The following TASP1 variants were observed in gnomAD, a reference collection of about 807,000 sequenced individuals.
TASP1 encodes the protein taspase 1.
In TASP1, 16 loss-of-function variants were observed where a neutral mutation model predicts 56.6. The observed-to-expected ratio is 0.28, with a 90% confidence interval of 0.19 to 0.43. TASP1 has a LOEUF of 0.43. TASP1 is among the 20% of genes least tolerant of loss of function. The probability of loss-of-function intolerance (pLI) is 1.00; values close to 1 mark genes in which losing one functional copy is unlikely to be tolerated. For missense variants in TASP1, 393 were observed against 511.6 expected (o/e 0.77, Z 2.24); for synonymous variants, 179 against 184.2 (o/e 0.97, Z 0.23).
At chr20:13,187,001 A>C in the TASP1 span, among the ~76,000 whole-genome samples, 1,200 of 152,336 alleles carry the variant, frequency 7.9e-3, 24 homozygotes, top group African/African-American at 0.027. Context: ...ATGCAAGAAG[A>C]GATGGGTAAT....
chr20:13,299,146 A>G, the TASP1 span: 2 of 1,612,518 alleles, frequency 1.2e-6, no homozygotes, highest in South Asian at 1.1e-5. This position sits in a 1 kb window ranked among gnomAD's most constrained non-coding sequence, Gnocchi z 5.8. Context: ...CTGGAGATCT[A>G]CAAGCCCACT....
chr20:13,492,972 A>G (rs2043590644), intron 10 of TASP1, among the ~76,000 whole-genome samples: 1 of 152,184 alleles, frequency 6.6e-6, no homozygotes, highest in African/African-American at 2.4e-5. Context: ...ACATATACTA[A>G]GTGCTTTATA....
chr20:13,630,746 A>G (rs1416020209), intron 1 of TASP1, among the ~76,000 whole-genome samples: 1 of 151,506 alleles, frequency 6.6e-6, no homozygotes, highest in African/African-American at 2.4e-5. Context: ...GAAAAGAAAC[A>G]TAAAGAAGTT....
intron 11 of TASP1, among the ~76,000 whole-genome samples, chr20:13,454,985 AT>A (rs2043772941): frequency 6.6e-6 from 1 of 152,114 alleles, no homozygotes; most frequent in Non-Finnish European, 1.5e-5. Flanking sequence ...GACCTGTTTG[AT>A]TTAATTGCAT....
At chr20:13,246,737 T>A in the TASP1 span, among the ~76,000 whole-genome samples, 5,525 of 152,336 alleles carry the variant, frequency 0.036, 168 homozygotes, top group African/African-American at 0.077. Context: ...CCTGGCCTTA[T>A]AAGAAGAAAG....
chr20:13,376,540 A>G, the TASP1 span, among the ~76,000 whole-genome samples: 1 of 152,070 alleles, frequency 6.6e-6, no homozygotes, highest in Non-Finnish European at 1.5e-5. Flanking sequence ...TTTGCTTATG[A>G]TTGTCTTGGC....
chr20:13,175,401 A>AT, the TASP1 span, among the ~76,000 whole-genome samples: 2 of 152,148 alleles, frequency 1.3e-5, no homozygotes, highest in Admixed American at 1.3e-4. Context: ...TCTTATGGGT[A>AT]TTTTCTGGTC....
At chr20:13,337,204 C>G in the TASP1 span, among the ~76,000 whole-genome samples, 3 of 152,168 alleles carry the variant, frequency 2.0e-5, no homozygotes, top group African/African-American at 7.2e-5. Flanking sequence ...GAGGAATATT[C>G]TGGCTCACCT....
At chr20:13,306,564 C>CAAAAGAA in the TASP1 span, among the ~76,000 whole-genome samples, 1 of 63,914 alleles carries the variant, frequency 1.6e-5, no homozygotes. Flanking sequence ...GGAGAAAGGA[C>CAAAAGAA]AAAAAAAAAA....
At chr20:13,393,417 C>A in intron 13 of TASP1, 1 of 761,664 alleles carries the variant, frequency 1.3e-6, no homozygotes, top group South Asian at 1.4e-5. Context: ...GACCTACCGT[C>A]TGGAGAAACC....
At chr20:13,405,918 A>C (rs1349132770) in intron 13 of TASP1, among the ~76,000 whole-genome samples, 1 of 152,142 alleles carries the variant, frequency 6.6e-6, no homozygotes, top group African/African-American at 2.4e-5. Flanking sequence ...TAATTTCTGC[A>C]GTGTCTGGTG....
the TASP1 span, among the ~76,000 whole-genome samples, chr20:13,155,768 G>A: frequency 6.6e-6 from 1 of 152,258 alleles, no homozygotes; most frequent in East Asian, 1.9e-4. Context: ...GGAGCTTGCA[G>A]TGAGCCGAGA....
the TASP1 span, among the ~76,000 whole-genome samples, chr20:13,194,320 A>G: frequency 1.5e-4 from 23 of 152,220 alleles, no homozygotes; most frequent in Non-Finnish European, 2.8e-4. Context: ...ATTGTGCAAA[A>G]GACATGCAAA....
chr20:13,626,807 A>G (rs141689338), intron 2 of TASP1, among the ~76,000 whole-genome samples: 5 of 152,290 alleles, frequency 3.3e-5, no homozygotes, highest in East Asian at 1.9e-4. Flanking sequence ...AGCATGGGAT[A>G]CTATTCCAAA....
At chr20:13,630,686 TC>T (rs1208633343) in intron 1 of TASP1, among the ~76,000 whole-genome samples, 92 of 27,384 alleles carry the variant, frequency 3.4e-3, no homozygotes, top group African/African-American at 0.014. Context: ...AAGCTCTGTC[TC>T]AAAAAAAAAA....
chr20:13,635,655 T>A lies in TASP1; in HGVS notation c.-75+3239A>T, dbSNP rs2049278239. Among the ~76,000 whole-genome samples the A allele has an allele frequency of 2.0e-5, 3 of 152,180 alleles. 1 individual carries two copies. In the South Asian group the frequency reaches 6.2e-4, roughly 32 times the overall value. ...CACCCACCTCAGCCTCCCAGACTGC[T>A]GAGATTACAGGTGTAAGCCACCACT... is the stretch of plus-strand genomic sequence containing the variant. On this transcript the variant is annotated intron_variant, in intron 1 of 13. Coordinates refer to ENST00000337743, the MANE Select transcript of TASP1 (RefSeq NM_017714.3).
At chr20:13,283,816 T>A in the TASP1 span, among the ~76,000 whole-genome samples, 1 of 152,244 alleles carries the variant, frequency 6.6e-6, no homozygotes, top group Non-Finnish European at 1.5e-5. Context: ...TGAAATTCTC[T>A]AACTGGTCAT....
chr20:13,137,064 T>C, the TASP1 span, among the ~76,000 whole-genome samples: 1 of 152,092 alleles, frequency 6.6e-6, no homozygotes, highest in African/African-American at 2.4e-5. Flanking sequence ...GTCTGCAAAT[T>C]AGAGCTAAGT....
At chr20:13,208,570 G>T in the TASP1 span, among the ~76,000 whole-genome samples, 1 of 152,178 alleles carries the variant, frequency 6.6e-6, no homozygotes, top group Admixed American at 6.5e-5. Context: ...CACACTTTAA[G>T]TCTAGGCCAG....
Sources: allele counts gnomAD v4.1 joint callset (sites outside exome capture counted in the v4.1 genomes callset), GRCh38; gene constraint gnomAD v4.1.1; non-coding constraint Gnocchi (gnomAD v3.1); transcripts MANE v1.5; gene names NCBI Gene and HGNC (gene_info 2026-07-23, HGNC 2026-07-21).